NDST4: variants seen among roughly 807,000 people sequenced by gnomAD.
The protein encoded by NDST4 is N-heparan sulfate sulfotransferase 4.
NDST4 carries 63 observed loss-of-function variants against 100.8 expected under a neutral mutation model. The observed-to-expected ratio is 0.62, with a 90% CI of 0.51 to 0.77. The LOEUF (loss-of-function observed/expected upper bound fraction) is 0.77. Among genes scored for constraint, NDST4 ranks in the 30% least tolerant of loss-of-function variants. The probability of loss-of-function intolerance (pLI) is 0.00; values close to 1 mark genes in which losing one functional copy is unlikely to be tolerated. For missense variants in NDST4, 943 were observed against 1,018.4 expected (o/e 0.93, Z 1.01); for synonymous variants, 377 against 361.8 (o/e 1.04, Z -0.48).
intron 6 of NDST4, among the ~76,000 whole-genome samples, chr4:114,929,315 T>A (rs1725463031): frequency 6.6e-6 from 1 of 152,122 alleles, no homozygotes; most frequent in African/African-American, 2.4e-5. Context: ...CTGAGCAATA[T>A]CTACTCAGAT....
chr4:114,891,057 A>T (rs1724584199), intron 6 of NDST4, among the ~76,000 whole-genome samples: 1 of 152,050 alleles, frequency 6.6e-6, no homozygotes, highest in African/African-American at 2.4e-5. Context: ...CTTCCTAGTT[A>T]CTAAATTTTG....
chr4:114,909,617 G>A (rs1725022763), intron 6 of NDST4, among the ~76,000 whole-genome samples: 1 of 140,984 alleles, frequency 7.1e-6, no homozygotes. Flanking sequence ...CCGAGATTGC[G>A]CCACTGCAGT....
At chr4:115,078,555 T>C (rs922688660) in intron 1 of NDST4, among the ~76,000 whole-genome samples, 1 of 152,098 alleles carries the variant, frequency 6.6e-6, no homozygotes, top group Non-Finnish European at 1.5e-5. Context: ...TTAAATGTGA[T>C]GATTTAGGGT....
At chr4:115,001,061 A>C (rs2620413) in intron 2 of NDST4, among the ~76,000 whole-genome samples, 52,159 of 151,914 alleles carry the variant, frequency 0.34, 9,085 homozygotes, top group South Asian at 0.49. Context: ...AAAGACCTCA[A>C]CTTCTAATAT....
intron 11 of NDST4, among the ~76,000 whole-genome samples, chr4:114,836,893 T>A (rs928635841): frequency 6.6e-6 from 1 of 152,148 alleles, no homozygotes; most frequent in African/African-American, 2.4e-5. Flanking sequence ...TAGCTTTTAT[T>A]CTGCTTGATC....
intron 10 of NDST4, among the ~76,000 whole-genome samples, chr4:114,841,684 G>A (rs1364709522): frequency 6.6e-6 from 1 of 152,152 alleles, no homozygotes; most frequent in African/African-American, 2.4e-5. Context: ...AAGGCTTCAT[G>A]CTTTAATGCT....
At chr4:114,906,141 A>G (rs1724944141) in intron 6 of NDST4, among the ~76,000 whole-genome samples, 1 of 152,044 alleles carries the variant, frequency 6.6e-6, no homozygotes, top group Non-Finnish European at 1.5e-5. Context: ...GCTGAAAAGT[A>G]TTATTCTCAG....
chr4:115,017,920 T>C (rs1300271474), intron 2 of NDST4, among the ~76,000 whole-genome samples: 2 of 151,754 alleles, frequency 1.3e-5, no homozygotes, highest in Non-Finnish European at 2.9e-5. Context: ...GATATTCTTT[T>C]GTAAAAAAAA....
chr4:114,981,216 TGGAAGGAAGGAAGGAAGGAA>T lies in NDST4; in HGVS notation c.979-3962_979-3943del, dbSNP rs61595600. Among the ~76,000 whole-genome samples, 1,071 of 137,128 alleles carry T rather than the reference TGGAAGGAAGGAAGGAAGGAA, an allele frequency of 7.8e-3. 7 individuals are homozygous for T. The highest frequency in any genetic ancestry group is 0.017 in the African/African-American group (631 of 37,310). 90.0% of individuals were successfully genotyped at this position (137,128 alleles called of 152,430 possible). A position where few individuals can be genotyped will look rare whatever the true frequency, so the allele number is the denominator to read the frequency against. ...GCGAAAGAAAGAGAAGAAGAAAGGATGGAAGGAAGGAAGGAAGGAAGGAAGGAAGGAAGGAAGGAAGGAAG... is the reference window on the plus strand; with the variant it reads ...GCGAAAGAAAGAGAAGAAGAAAGGATGGAAGGAAGGAAGGAAGGAAGGAAG... On this transcript the variant is annotated intron_variant, in intron 2 of 13. Transcript: ENST00000264363.
chr4:114,899,011 G>T (rs115640888), intron 6 of NDST4, among the ~76,000 whole-genome samples: 7 of 151,742 alleles, frequency 4.6e-5, no homozygotes, highest in Non-Finnish European at 8.8e-5. Context: ...TATACCTTTC[G>T]TTTCCTTTCT....
intron 4 of NDST4, among the ~76,000 whole-genome samples, chr4:114,954,352 A>G (rs1057164561): frequency 2.1e-4 from 32 of 152,160 alleles, no homozygotes; most frequent in African/African-American, 7.7e-4. Flanking sequence ...AGGAGAAATT[A>G]TTAGTAATCC....
At chr4:115,092,699 C>A (rs1352648628) in intron 1 of NDST4, among the ~76,000 whole-genome samples, 1 of 151,700 alleles carries the variant, frequency 6.6e-6, no homozygotes, top group African/African-American at 2.4e-5. Context: ...TCTAGTGAAA[C>A]CAATAAAGAA....
intron 4 of NDST4, among the ~76,000 whole-genome samples, chr4:114,957,837 C>T (rs1405161356): frequency 6.6e-6 from 1 of 152,162 alleles, no homozygotes; most frequent in Non-Finnish European, 1.5e-5. Context: ...CAAATTTTAG[C>T]TCCAAAATGA....
At position 114,845,979 on chromosome 4, in the gene NDST4, A is replaced by G. The variant is rs2126186156; in HGVS notation, c.1959T>C (p.Pro653=). ...AGTCACTTGTAGTATTGGATGGTGT[A>G]GGGAAAAAGTCCATATACCTGAAGG... ...KGIDWYMDFF[P]TPSNTTSDFL... Residue 653 remains proline (P), a synonymous_variant, in exon 10 of 14, where the codon CCT becomes CCC. Transcript: ENST00000264363. 1 of 1,608,880 alleles carries G rather than the reference A, an allele frequency of 6.2e-7. No individual in the cohort carries two copies. Among genetic ancestry groups the G allele is most frequent in the East Asian group, 2.2e-5 (1 of 44,748 alleles).
intron 3 of NDST4, among the ~76,000 whole-genome samples, chr4:114,971,202 G>A (rs529677955): frequency 1.3e-5 from 2 of 151,948 alleles, no homozygotes; most frequent in East Asian, 3.9e-4. Context: ...TTCACTTAAT[G>A]TTATACATAT....
intron 2 of NDST4, among the ~76,000 whole-genome samples, chr4:115,026,217 TG>T (rs1251225734): frequency 2.6e-5 from 4 of 152,038 alleles, no homozygotes; most frequent in African/African-American, 9.7e-5. Context: ...CAAACTGATT[TG>T]GGTCAGTAAA....
intron 5 of NDST4, among the ~76,000 whole-genome samples, chr4:114,936,464 G>A (rs1725630811): frequency 6.6e-6 from 1 of 152,168 alleles, no homozygotes; most frequent in African/African-American, 2.4e-5. Flanking sequence ...ATAGATGATA[G>A]ATGGATTTTA....
At chr4:114,833,888 A>T (rs1479333443) in intron 11 of NDST4, among the ~76,000 whole-genome samples, 173 bp from the exon 12 acceptor site, 1 of 152,228 alleles carries the variant, frequency 6.6e-6, no homozygotes, top group East Asian at 1.9e-4. Flanking sequence ...TTCCACATAA[A>T]CAATAAAGTT....
chr4:114,980,782 TGAA>T (rs1245259613), intron 2 of NDST4, among the ~76,000 whole-genome samples: 1 of 152,170 alleles, frequency 6.6e-6, no homozygotes, highest in Non-Finnish European at 1.5e-5. Context: ...TTACTGCTTA[TGAA>T]GAACTCACTA....
Sources: gnomAD v4.1 joint callset for allele counts (sites outside exome capture counted in the v4.1 genomes callset) on GRCh38, gnomAD v4.1.1 for gene constraint, MANE v1.5 for transcripts, NCBI Gene and HGNC (gene_info 2026-07-23, HGNC 2026-07-21) for gene names.